The following CCSER1 variants were observed in gnomAD, a reference collection of about 807,000 sequenced individuals.
The protein encoded by CCSER1 is coiled-coil serine rich protein 1.
Under a neutral mutation model 82.0 loss-of-function variants are expected in CCSER1, and 41 were observed. That is an observed-to-expected ratio of 0.50 (90% CI 0.39 to 0.65). The LOEUF is 0.65. CCSER1 is among the 30% of genes least tolerant of loss of function. CCSER1 has a pLI of 0.00. For synonymous variants in CCSER1, 414 were observed against 383.9 expected, an observed-to-expected ratio of 1.08 and a Z score of -0.92; for missense variants, 1,119 against 1,064.2, an observed-to-expected ratio of 1.05 and a Z score of -0.72.
chr4:90,307,418 T>A (rs1319133213), intron 1 of CCSER1, among the ~76,000 whole-genome samples: 1 of 150,588 alleles, frequency 6.6e-6, no homozygotes, highest in African/African-American at 2.4e-5. Context: ...AACTTGTTTA[T>A]AACCCTATGT....
intron 7 of CCSER1, among the ~76,000 whole-genome samples, chr4:90,785,321 G>A (rs762070525): frequency 1.4e-4 from 22 of 152,018 alleles, no homozygotes; most frequent in African/African-American, 2.2e-4. Context: ...GAGCCACCAC[G>A]CCCAGCCCAA....
In CCSER1 at chr4:90,592,166, G is replaced by A. The variant is rs148534149; in HGVS notation, c.1725-35859G>A. 6.2e-3 allele frequency among the ~76,000 whole-genome samples: 948 copies of A among 152,092 alleles called. 25 individuals carry two copies. Among genetic ancestry groups the A allele is most frequent in the Admixed American group, 0.037 (568 of 15,258 alleles). On this transcript the variant is annotated intron_variant, in intron 5 of 10. Coordinates refer to ENST00000509176, the MANE Select transcript of CCSER1 (RefSeq NM_001145065.2). ...GTATGGCTGCATAAAAAACCTGCAC[G>A]TTCTGCACATATATCCCAGTATTTA...
At chr4:90,945,297 T>C (rs1732098293) in intron 9 of CCSER1, among the ~76,000 whole-genome samples, 1 of 152,182 alleles carries the variant, frequency 6.6e-6, no homozygotes, top group South Asian at 2.1e-4. Context: ...ATTTTTTCAT[T>C]TGCTATTTAT....
intron 10 of CCSER1, among the ~76,000 whole-genome samples, chr4:91,088,735 A>ATG (rs33973029): frequency 0.11 from 16,120 of 152,160 alleles, 1,091 homozygotes; most frequent in East Asian, 0.27. Flanking sequence ...GCTATACAAA[A>ATG]TGTGATTGTT....
intron 8 of CCSER1, among the ~76,000 whole-genome samples, chr4:90,829,159 T>C (rs1462993203): frequency 6.6e-6 from 1 of 152,068 alleles, no homozygotes; most frequent in African/African-American, 2.4e-5. Context: ...TCTAAAATAT[T>C]GTAGAAAACA....
chr4:91,093,868 C>T (rs776259247), intron 10 of CCSER1, among the ~76,000 whole-genome samples: 33 of 152,190 alleles, frequency 2.2e-4, no homozygotes, highest in Non-Finnish European at 4.4e-4. Flanking sequence ...GTTTGGCTAG[C>T]ACTGCAAAGT....
intron 7 of CCSER1, among the ~76,000 whole-genome samples, chr4:90,760,886 A>G (rs145250667): frequency 2.0e-3 from 307 of 152,220 alleles, no homozygotes; most frequent in Non-Finnish European, 3.6e-3. Context: ...ACAAATACTC[A>G]TAGTGTGGTA....
intron 3 of CCSER1, among the ~76,000 whole-genome samples, chr4:90,343,464 A>G (rs1384330528): frequency 6.6e-6 from 1 of 152,110 alleles, no homozygotes; most frequent in East Asian, 1.9e-4. Flanking sequence ...TGAAAATACA[A>G]AAATTAGCTG....
intron 5 of CCSER1, among the ~76,000 whole-genome samples, chr4:90,522,970 C>T (rs1773318161): frequency 6.6e-6 from 1 of 151,952 alleles, no homozygotes. Context: ...TTTTAATGTA[C>T]TCTGATTTTA....
chr4:90,919,090 A>T (rs1482840543), intron 8 of CCSER1, among the ~76,000 whole-genome samples: 1 of 35,104 alleles, frequency 2.8e-5, no homozygotes, highest in Non-Finnish European at 5.0e-5. Flanking sequence ...TTTCCACAGT[A>T]AAAAAAAAAA....
At chr4:91,142,916 C>A (rs1353768593) in intron 10 of CCSER1, among the ~76,000 whole-genome samples, 1 of 151,604 alleles carries the variant, frequency 6.6e-6, no homozygotes, top group Non-Finnish European at 1.5e-5. Context: ...GTAATGTAAT[C>A]CCTCCTGCTT....
chr4:91,209,418 T>A (rs1190055264), intron 10 of CCSER1, among the ~76,000 whole-genome samples: 2 of 151,992 alleles, frequency 1.3e-5, no homozygotes, highest in Non-Finnish European at 2.9e-5. Context: ...ACTTTTAACA[T>A]GAAGGTATGT....
At chr4:91,495,698 T>C (rs544648679) in intron 10 of CCSER1, among the ~76,000 whole-genome samples, 65 of 151,686 alleles carry the variant, frequency 4.3e-4, no homozygotes, top group African/African-American at 1.5e-3. Flanking sequence ...CCAAAACATA[T>C]TGTCTGATTT....
intron 6 of CCSER1, among the ~76,000 whole-genome samples, chr4:90,699,328 G>A (rs1025316163): frequency 6.6e-6 from 1 of 152,096 alleles, no homozygotes; most frequent in African/African-American, 2.4e-5. Flanking sequence ...ACTCCAGCGT[G>A]GTGGTACACG....
At chr4:91,061,154 C>T (rs1470827546) in intron 9 of CCSER1, among the ~76,000 whole-genome samples, 1 of 151,832 alleles carries the variant, frequency 6.6e-6, no homozygotes, top group Non-Finnish European at 1.5e-5. Flanking sequence ...CAATGACAAA[C>T]ATCTCATTAG....
chr4:91,389,294 G>C (rs1351262659), intron 10 of CCSER1, among the ~76,000 whole-genome samples: 2 of 151,806 alleles, frequency 1.3e-5, no homozygotes, highest in Non-Finnish European at 2.9e-5. Context: ...TTTTGCATGT[G>C]GTTGTCCAGT....
chr4:90,621,602 T>C (rs73833736), intron 5 of CCSER1, among the ~76,000 whole-genome samples: 4,337 of 152,304 alleles, frequency 0.028, 122 homozygotes, highest in African/African-American at 0.068. Flanking sequence ...TTTCAATATA[T>C]GGGTCATCTC....
intron 6 of CCSER1, among the ~76,000 whole-genome samples, chr4:90,657,747 T>G (rs1240350373): frequency 3.9e-5 from 6 of 152,222 alleles, no homozygotes; most frequent in African/African-American, 1.4e-4. Context: ...TGCTGAAATT[T>G]TTCATCTTGT....
In CCSER1 at chr4:90,445,044, A is replaced by G. The variant is rs28446925; in HGVS notation, c.1604-23190A>G. Among the ~76,000 whole-genome samples the G allele has an allele frequency of 8.0e-3, 1,219 of 152,170 alleles. 14 individuals are homozygous for G. Among genetic ancestry groups the G allele is most frequent in the African/African-American group, 0.028 (1,170 of 41,534 alleles). The stretch of plus-strand genomic sequence containing the variant: ...TAAACATCTTCCCTCAATTAAAAAA[A>G]AACAGTTACAGATTAGTCATTCATG... On this transcript the variant is annotated intron_variant, in intron 4 of 10. Coordinates refer to ENST00000509176, the MANE Select transcript of CCSER1 (RefSeq NM_001145065.2).
Sources: allele counts gnomAD v4.1 joint callset (sites outside exome capture counted in the v4.1 genomes callset), GRCh38; gene constraint gnomAD v4.1.1; transcripts MANE v1.5; gene names NCBI Gene and HGNC (gene_info 2026-07-23, HGNC 2026-07-21).